The following HTR3C variants were observed in gnomAD, a reference collection of about 807,000 sequenced individuals.
HTR3C encodes the protein 5-HT3-C.
A neutral mutation model predicts 40.5 loss-of-function variants in HTR3C; 32 were observed. The ratio of observed to expected loss-of-function variants is 0.79; its 90% CI spans 0.60 to 1.06. The LOEUF (loss-of-function observed/expected upper bound fraction) is 1.06. Among genes scored for constraint, HTR3C ranks in the 50% least tolerant of loss-of-function variants. The pLI, the probability that HTR3C is intolerant of heterozygous loss-of-function variation, is 0.00. For synonymous variants in HTR3C, 209 were observed against 217.1 expected, an observed-to-expected ratio of 0.96 and a Z score of 0.33; for missense variants, 523 against 556.8, an observed-to-expected ratio of 0.94 and a Z score of 0.61.
At chr3:184,059,721 C>A in intron 7 of HTR3C, 81 bp downstream of exon 7, 2 of 1,591,838 alleles carry the variant, frequency 1.3e-6, no homozygotes, top group Admixed American at 1.7e-5. Flanking sequence ...CGCTGCTCCA[C>A]TGAAGGAAGG....
intron 7 of HTR3C, 75 bp downstream of exon 7, chr3:184,059,715 G>A (rs1438062318): frequency 5.0e-6 from 8 of 1,592,524 alleles, no homozygotes; most frequent in Middle Eastern, 1.7e-4. Flanking sequence ...AATGGCCGCT[G>A]CTCCACTGAA....
rs576349792 is a variant in HTR3C, at chr3:184,056,930, C to T, written c.445C>T (p.Arg149Ter). 1.2e-4 allele frequency: 194 copies of T among 1,613,588 alleles called. 2 individuals carry two copies. In the South Asian group the frequency reaches 1.9e-3, roughly 16 times the overall value. ...GLTAYISSEGRIKYDKPMRVT... is the reference protein window; with the variant it reads ...GLTAYISSEG ...CACTGCCTATATCAGCAGTGAAGGT[C>T]GAATTAAGTATGATAAGCCAATGAG... is the stretch of plus-strand genomic sequence containing the variant. The change falls in exon 5 of 9, where the codon CGA becomes TGA. Residue 149 changes from arginine to a stop codon, truncating the protein, a stop_gained. Transcript: ENST00000318351. LOFTEE classifies it high-confidence loss of function.
At chr3:184,054,992 C>A (rs1022845399) in intron 2 of HTR3C, 105 bp downstream of exon 2, 1 of 1,146,216 alleles carries the variant, frequency 8.7e-7, no homozygotes, top group Admixed American at 2.7e-5. Flanking sequence ...ACAATAGGCA[C>A]CCTGGATGGA....
chr3:184,058,134 G>A (rs1041194770), intron 5 of HTR3C, among the ~76,000 whole-genome samples: 1 of 152,192 alleles, frequency 6.6e-6, no homozygotes, highest in Non-Finnish European at 1.5e-5. Flanking sequence ...CTGGGGGACT[G>A]AGAAGGAAAA....
At chr3:184,055,141 A>T (rs749938338) in intron 2 of HTR3C, among the ~76,000 whole-genome samples, 171 bp from the exon 3 acceptor site, 30 of 152,354 alleles carry the variant, frequency 2.0e-4, no homozygotes, top group East Asian at 3.9e-4. Context: ...TCTGTATATT[A>T]ATCAAAATCA....
intron 1 of HTR3C, among the ~76,000 whole-genome samples, chr3:184,054,296 A>G (rs774596071): frequency 3.3e-5 from 5 of 152,152 alleles, no homozygotes; most frequent in Admixed American, 6.5e-5. Flanking sequence ...CCTTCAGTAG[A>G]CTTAAGATCC....
At chr3:184,053,718 C>A (rs1723268306) in intron 1 of HTR3C, among the ~76,000 whole-genome samples, 2 of 152,188 alleles carry the variant, frequency 1.3e-5, no homozygotes, top group African/African-American at 4.8e-5. Context: ...GGCCGAGAGA[C>A]AATATCTGCA....
intron 3 of HTR3C, among the ~76,000 whole-genome samples, chr3:184,055,957 T>G (rs1414263779): frequency 7.7e-6 from 1 of 130,070 alleles, no homozygotes; most frequent in Non-Finnish European, 1.6e-5. Flanking sequence ...TAACTCCAAG[T>G]GGTTTTAGGC....
Position 184,053,107 on chromosome 3 carries a change from G to C in HTR3C, c.27G>C (p.Gln9His), listed in dbSNP as rs367597669. 5.6e-5 allele frequency: 90 copies of C among 1,614,004 alleles called. No individual in the cohort carries two copies. The East Asian group carries it at 6.7e-4, about 12-fold the overall frequency. MEGGWPAR[Q>H]SALLCLTVSL... ...TGGAAGGAGGGTGGCCTGCAAGGCA[G>C]AGTGCCCTCCTCTGCCTCACTGTCA... The change falls in exon 1 of 9, where the codon CAG becomes CAC. Residue 9 changes from glutamine (Q) to histidine (H), a missense_variant. Gln to His is a conservative substitution (Grantham distance 24). Transcript: ENST00000318351.
chr3:184,058,495 C>A lies in HTR3C; in HGVS notation c.628C>A (p.Gln210Lys). 6.2e-7 allele frequency: 1 copy of A among 1,613,446 alleles called. No individual in the cohort carries two copies. Among genetic ancestry groups the A allele is most frequent in the Non-Finnish European group, 8.5e-7 (1 of 1,179,764 alleles). ...EITDTSRKVIQTQGEWELLGI... is the reference protein window; with the variant it reads ...EITDTSRKVIKTQGEWELLGI... ...CACAGACACGTCTCGCAAAGTCATCCAAACCCAGGGGGAGTGGGAGCTCTT... is the reference window on the plus strand; with the variant it reads ...CACAGACACGTCTCGCAAAGTCATCAAAACCCAGGGGGAGTGGGAGCTCTT... Residue 210 changes from glutamine to lysine, a missense_variant, in exon 6 of 9, where the codon CAA becomes AAA. Gln to Lys is a moderately conservative substitution (Grantham distance 53). Transcript: ENST00000318351.
intron 6 of HTR3C, among the ~76,000 whole-genome samples, chr3:184,059,012 C>T (rs897041988): frequency 4.6e-5 from 7 of 152,066 alleles, no homozygotes; most frequent in East Asian, 1.9e-4. Flanking sequence ...GGGTTGGGCA[C>T]CTGCTCCCCA....
chr3:184,058,696 G>A, intron 6 of HTR3C, 109 bp downstream of exon 6: 1 of 1,219,660 alleles, frequency 8.2e-7, no homozygotes, highest in Non-Finnish European at 1.1e-6. Context: ...CGGGTGCAGT[G>A]GCTCACACCT....
intron 2 of HTR3C, 120 bp from the exon 3 acceptor site, chr3:184,055,192 C>A (rs1446728195): frequency 1.3e-6 from 1 of 752,926 alleles, no homozygotes; most frequent in South Asian, 1.6e-5. Context: ...GAGGAAAAGA[C>A]AATTCAGCAT....
At position 184,053,731 on chromosome 3, in the gene HTR3C, G is replaced by T. The variant is rs557554056; in HGVS notation, c.67+584G>T. On this transcript the variant is annotated intron_variant, in intron 1 of 8. Coordinates refer to ENST00000318351, the MANE Select transcript of HTR3C (RefSeq NM_130770.3). ...ATGGCCGAGAGACAATATCTGCACCGGCCTCACTTTGTGGTTTTGTTGTTG... is the reference window on the plus strand; with the variant it reads ...ATGGCCGAGAGACAATATCTGCACCTGCCTCACTTTGTGGTTTTGTTGTTG... 3.9e-5 allele frequency among the ~76,000 whole-genome samples: 6 copies of T among 152,268 alleles called. No homozygotes were observed. In the East Asian group the frequency reaches 1.2e-3, roughly 29 times the overall value.
rs1313243919 is a variant in HTR3C, at chr3:184,060,297, A to G, written c.1289A>G (p.Tyr430Cys). The G allele has an allele frequency of 6.2e-7, 1 of 1,614,058 alleles. No homozygotes were observed. ...HAMDTLLFRL[Y>C]LLFMASSILT... ...ATGGACACCCTGCTCTTCCGCCTCT[A>G]CCTGCTCTTCATGGCCTCCTCCATC... The change falls in exon 9 of 9, where the codon TAC (tyrosine) becomes TGC (cysteine). Residue 430 changes from tyrosine to cysteine, a missense_variant. Coordinates refer to ENST00000318351, the MANE Select transcript of HTR3C (RefSeq NM_130770.3).
intron 5 of HTR3C, 135 bp downstream of exon 5, chr3:184,057,179 A>C: frequency 1.7e-6 from 1 of 604,682 alleles, no homozygotes; most frequent in East Asian, 2.8e-5. Context: ...AAATACCAAT[A>C]ACTGGCCAGG....
chr3:184,057,744 CAA>C (rs1487764456), intron 5 of HTR3C, among the ~76,000 whole-genome samples: 2 of 150,030 alleles, frequency 1.3e-5, no homozygotes, highest in African/African-American at 5.0e-5. Context: ...CAAAACAAAA[CAA>C]AACAAAACAA....
intron 7 of HTR3C, 28 bp downstream of exon 7, chr3:184,059,668 G>C (rs755939408): frequency 1.9e-6 from 3 of 1,612,856 alleles, no homozygotes; most frequent in Non-Finnish European, 2.5e-6. Flanking sequence ...TTCAGGAGGA[G>C]AAAGGGCACC....
intron 5 of HTR3C, among the ~76,000 whole-genome samples, chr3:184,058,168 G>A (rs933330164): frequency 6.6e-6 from 1 of 152,160 alleles, no homozygotes; most frequent in African/African-American, 2.4e-5. Flanking sequence ...AAAAGTTCTT[G>A]ACTCACGTTT....
Sources: gnomAD v4.1 joint callset for allele counts (sites outside exome capture counted in the v4.1 genomes callset) on GRCh38, gnomAD v4.1.1 for gene constraint, MANE v1.5 for transcripts, NCBI Gene and HGNC (gene_info 2026-07-23, HGNC 2026-07-21) for gene names.